Variants in NRXN3 observed in about 807,000 individuals in gnomAD.
The protein encoded by NRXN3 is neurexin III.
NRXN3 carries 32 observed loss-of-function variants against 137.6 expected under a neutral mutation model. The ratio of observed to expected loss-of-function variants is 0.23; its 90% confidence interval spans 0.18 to 0.31. The LOEUF (loss-of-function observed/expected upper bound fraction) is 0.31. NRXN3 is among the 10% of genes least tolerant of loss of function. NRXN3 has a pLI of 1.00. For synonymous variants in NRXN3, 798 were observed against 784.5 expected, an observed-to-expected ratio of 1.02 and a Z score of -0.29; for missense variants, 1,574 against 2,062.5, an observed-to-expected ratio of 0.76 and a Z score of 4.59.
At chr14:79,304,407 A>C (rs2085682233) in intron 15 of NRXN3, among the ~76,000 whole-genome samples, 1 of 152,098 alleles carries the variant, frequency 6.6e-6, no homozygotes, top group Non-Finnish European at 1.5e-5. Flanking sequence ...AACAGTAAAA[A>C]GTGACCTGTG....
At chr14:78,448,781 C>T (rs2094482634) in intron 4 of NRXN3, among the ~76,000 whole-genome samples, 1 of 152,170 alleles carries the variant, frequency 6.6e-6, no homozygotes, top group Non-Finnish European at 1.5e-5. Context: ...CTTCTCCCCT[C>T]TTATCCCCTC....
At chr14:78,423,842 T>C (rs1314693019) in intron 4 of NRXN3, among the ~76,000 whole-genome samples, 1 of 152,202 alleles carries the variant, frequency 6.6e-6, no homozygotes, top group Admixed American at 6.5e-5. Context: ...GGGTTTATAG[T>C]ATTATTATGA....
intron 10 of NRXN3, among the ~76,000 whole-genome samples, chr14:78,857,431 A>G (rs1057028632): frequency 2.0e-5 from 3 of 152,152 alleles, no homozygotes. Flanking sequence ...CTCTACAAGG[A>G]TTGGGATTTG....
chr14:79,170,451 A>C (rs984111611), intron 15 of NRXN3, among the ~76,000 whole-genome samples: 1 of 152,158 alleles, frequency 6.6e-6, no homozygotes, highest in Non-Finnish European at 1.5e-5. Context: ...TAGGTGCTAC[A>C]GTTATGCAGA....
intron 17 of NRXN3, among the ~76,000 whole-genome samples, chr14:79,681,209 A>C (rs1235147236): frequency 6.6e-6 from 1 of 152,174 alleles, no homozygotes; most frequent in East Asian, 1.9e-4. Flanking sequence ...ACTCCTTTGA[A>C]TCTGGAGACT....
chr14:79,250,935 A>G (rs1165376355), intron 15 of NRXN3, among the ~76,000 whole-genome samples: 1 of 152,206 alleles, frequency 6.6e-6, no homozygotes, highest in Non-Finnish European at 1.5e-5. Context: ...ATCAAATAGT[A>G]AGTTTCAGTA....
chr14:78,899,759 C>A (rs960363259), intron 10 of NRXN3, among the ~76,000 whole-genome samples: 4 of 151,906 alleles, frequency 2.6e-5, no homozygotes, highest in Admixed American at 2.0e-4. Context: ...AAAAAAATCT[C>A]TTAAATGTTT....
intron 6 of NRXN3, among the ~76,000 whole-genome samples, chr14:78,677,445 A>G (rs1313691013): frequency 6.6e-6 from 1 of 151,650 alleles, no homozygotes; most frequent in Non-Finnish European, 1.5e-5. Context: ...AAAACCCTGG[A>G]AGGAGAGCTT....
intron 10 of NRXN3, among the ~76,000 whole-genome samples, chr14:78,923,305 T>A (rs111720773): frequency 1.9e-4 from 29 of 152,338 alleles, no homozygotes; most frequent in African/African-American, 6.5e-4. Context: ...TTACATTTCC[T>A]GTTCTTCATG....
intron 15 of NRXN3, among the ~76,000 whole-genome samples, chr14:79,338,093 G>A (rs1335266471): frequency 1.3e-5 from 2 of 151,996 alleles, no homozygotes; most frequent in East Asian, 1.9e-4. Context: ...AATGATTGGC[G>A]GTGACATCAC....
At chr14:79,135,968 T>G (rs2058181581) in intron 15 of NRXN3, among the ~76,000 whole-genome samples, 1 of 152,184 alleles carries the variant, frequency 6.6e-6, no homozygotes, top group Non-Finnish European at 1.5e-5. Flanking sequence ...ACACTTTTCT[T>G]CTTTTTCTCC....
chr14:78,410,361 C>T (rs6574441), intron 4 of NRXN3, among the ~76,000 whole-genome samples: 1 of 152,008 alleles, frequency 6.6e-6, no homozygotes, highest in Non-Finnish European at 1.5e-5. Flanking sequence ...TCTATAATAC[C>T]TATGTTTCCT....
chr14:79,355,862 A>C (rs2093404039), intron 15 of NRXN3, among the ~76,000 whole-genome samples: 1 of 152,166 alleles, frequency 6.6e-6, no homozygotes, highest in African/African-American at 2.4e-5. Context: ...CGGCAGCTAA[A>C]ATCTCCCACA....
At chr14:79,035,580 A>G (rs1253665444) in intron 15 of NRXN3, among the ~76,000 whole-genome samples, 1 of 152,112 alleles carries the variant, frequency 6.6e-6, no homozygotes, top group Non-Finnish European at 1.5e-5. Flanking sequence ...GTTTAGATCC[A>G]TAACTGTACC....
At chr14:79,566,363 C>T (rs1424533813) in intron 16 of NRXN3, among the ~76,000 whole-genome samples, 2 of 152,010 alleles carry the variant, frequency 1.3e-5, no homozygotes, top group Non-Finnish European at 2.9e-5. Flanking sequence ...GCCCTACCTC[C>T]CAACTCCCTC....
At chr14:78,915,367 A>AAAAAAAAAAAC (rs1483997104) in intron 10 of NRXN3, among the ~76,000 whole-genome samples, 1 of 148,518 alleles carries the variant, frequency 6.7e-6, no homozygotes, top group African/African-American at 2.5e-5. Flanking sequence ...AAAAAAAAAA[A>AAAAAAAAAAAC]AAAAACCACA....
At chr14:79,367,690 T>C (rs2122434) in intron 15 of NRXN3, among the ~76,000 whole-genome samples, 59,894 of 152,102 alleles carry the variant, frequency 0.39, 12,829 homozygotes, top group Admixed American at 0.5. Context: ...GCACGTAGCC[T>C]AGCTTACACA....
chr14:78,515,723 A>C (rs965362513), intron 4 of NRXN3, among the ~76,000 whole-genome samples: 1 of 152,056 alleles, frequency 6.6e-6, no homozygotes, highest in Non-Finnish European at 1.5e-5. Context: ...GTTTCGTGAA[A>C]AACAGAGTTC....
At chr14:78,181,175 T>C (rs1180352464) in intron 1 of NRXN3, among the ~76,000 whole-genome samples, 14 of 152,212 alleles carry the variant, frequency 9.2e-5, no homozygotes, top group Admixed American at 2.0e-4. Context: ...ATTGATCAGT[T>C]TTTTTCTCAT....
Sources: allele counts gnomAD v4.1 joint callset (sites outside exome capture counted in the v4.1 genomes callset), GRCh38; gene constraint gnomAD v4.1.1; transcripts MANE v1.5; gene names NCBI Gene and HGNC (gene_info 2026-07-23, HGNC 2026-07-21).